LRRK1: variants seen among roughly 807,000 people sequenced by gnomAD.
The protein encoded by LRRK1 is leucine rich repeat kinase 1, also known as leucine-rich repeat serine/threonine-protein kinase 1.
A neutral mutation model predicts 209.1 loss-of-function variants in LRRK1; 113 were observed. The observed-to-expected ratio is 0.54, with a 90% CI of 0.46 to 0.63. The LOEUF is 0.63. LRRK1 is among the 30% of genes least tolerant of loss of function. The pLI is 0.00. For missense variants in LRRK1, 2,284 were observed against 2,632.2 expected, an observed-to-expected ratio of 0.87 and a Z score of 2.89; for synonymous variants, 1,144 against 1,099.7, an observed-to-expected ratio of 1.04 and a Z score of -0.80.
chr15:100,967,079 G>A (rs2030512674), intron 2 of LRRK1, among the ~76,000 whole-genome samples: 1 of 152,188 alleles, frequency 6.6e-6, no homozygotes, highest in Non-Finnish European at 1.5e-5. Context: ...TGAGAGACAA[G>A]CAATGACATA....
At chr15:100,963,482 C>T (rs1046269013) in intron 2 of LRRK1, among the ~76,000 whole-genome samples, 4 of 152,190 alleles carry the variant, frequency 2.6e-5, no homozygotes, top group East Asian at 1.9e-4. Flanking sequence ...CTGCTGTAGA[C>T]GTTAAGTGAC....
chr15:101,059,654 C>T (rs1354048002), intron 29 of LRRK1, among the ~76,000 whole-genome samples: 1 of 151,098 alleles, frequency 6.6e-6, no homozygotes. Context: ...TAAAAGCCTG[C>T]AGTTCTGAAT....
intron 4 of LRRK1, among the ~76,000 whole-genome samples, chr15:100,985,609 T>C (rs1358292644): frequency 1.3e-5 from 2 of 152,120 alleles, no homozygotes; most frequent in Non-Finnish European, 2.9e-5. Flanking sequence ...GCAGAGTGAA[T>C]AGGAGTTTAC....
chr15:101,052,008 C>A (rs771247521), intron 24 of LRRK1, 48 bp downstream of exon 24: 1 of 1,582,688 alleles, frequency 6.3e-7, no homozygotes, highest in African/African-American at 1.3e-5. Context: ...TCACAGGGGG[C>A]GTTCCTCGCT....
At chr15:101,058,616 A>AAGGGGAGTG (rs1555479925) in intron 29 of LRRK1, among the ~76,000 whole-genome samples, 1 of 4,248 alleles carries the variant, frequency 2.4e-4, no homozygotes, top group Admixed American at 3.1e-3. Context: ...AGAAGGGGCA[A>AAGGGGAGTG]CGGGGGGGGG....
In LRRK1 at chr15:100,951,985, T is replaced by A. The variant is rs1161744174; in HGVS notation, c.98-21819T>A. Among the ~76,000 whole-genome samples, 10 of 149,936 alleles carry A rather than the reference T, an allele frequency of 6.7e-5. 1 individual carries two copies. The highest frequency in any genetic ancestry group is 2.2e-4 in the African/African-American group (9 of 40,900). On this transcript the variant is annotated intron_variant, in intron 2 of 33. Transcript: ENST00000388948. Reference sequence around the variant, plus strand: ...AAAAAAATAATAATAATAATAATAATAAAATAATAGTATTATTAAGAGTAA... The same window carrying A: ...AAAAAAATAATAATAATAATAATAAAAAAATAATAGTATTATTAAGAGTAA...
intron 2 of LRRK1, among the ~76,000 whole-genome samples, chr15:100,946,013 T>A (rs1305961742): frequency 2.0e-5 from 3 of 152,204 alleles, no homozygotes; most frequent in African/African-American, 7.2e-5. Context: ...TAAATGAATA[T>A]GTTAAATATA....
chr15:100,956,557 C>T (rs2042769036), intron 2 of LRRK1, among the ~76,000 whole-genome samples: 1 of 150,320 alleles, frequency 6.7e-6, no homozygotes, highest in Middle Eastern at 3.5e-3. Flanking sequence ...CCTCCACCTC[C>T]CGGGTTCAAG....
intron 6 of LRRK1, among the ~76,000 whole-genome samples, chr15:101,002,759 A>G (rs2032759468): frequency 6.6e-6 from 1 of 152,172 alleles, no homozygotes; most frequent in South Asian, 2.1e-4. Flanking sequence ...TTTGAGATGG[A>G]ATCTGGCTCT....
At chr15:100,945,550 A>T (rs573603019) in intron 2 of LRRK1, among the ~76,000 whole-genome samples, 1 of 128,332 alleles carries the variant, frequency 7.8e-6, no homozygotes, top group African/African-American at 3.0e-5. Context: ...CTGGAGTGCA[A>T]TGGCACAACC....
Position 100,936,685 on chromosome 15 carries a change from G to A in LRRK1, c.97+11956G>A, listed in dbSNP as rs4076008. 6.4e-3 allele frequency among the ~76,000 whole-genome samples: 969 copies of A among 152,282 alleles called. 9 individuals are homozygous for A. Among genetic ancestry groups the A allele is most frequent in the African/African-American group, 0.022 (916 of 41,552 alleles). ...GCTGTGGGTGCTGGCTGCTTCTATG[G>A]GGCAACTTGGGGTCTGTGGGATGTG... On this transcript the variant is annotated intron_variant, in intron 2 of 33. Transcript: ENST00000388948.
rs2042073314 is a variant in LRRK1, at chr15:100,924,460, G to A, written c.-122-51G>A. 1.0e-5 allele frequency: 6 copies of A among 598,016 alleles called. No individual in the cohort carries two copies. In the South Asian group the frequency reaches 1.2e-4, roughly 12 times the overall value. 37.0% of individuals were successfully genotyped at this position (598,016 alleles called of 1,614,324 possible). On this transcript the variant is annotated intron_variant, in intron 1 of 33. Coordinates refer to ENST00000388948, the MANE Select transcript of LRRK1 (RefSeq NM_024652.6). ...AACCCATGCAAATATTTGCAGGGGAGGAGGACAGGAATTATAAAGGCTTTC... is the reference window on the plus strand; with the variant it reads ...AACCCATGCAAATATTTGCAGGGGAAGAGGACAGGAATTATAAAGGCTTTC...
intron 4 of LRRK1, among the ~76,000 whole-genome samples, chr15:100,984,159 G>A (rs1386498838): frequency 6.6e-6 from 1 of 152,128 alleles, no homozygotes; most frequent in Admixed American, 6.5e-5. Flanking sequence ...GTCTCAGGAG[G>A]CAGGTGCTAT....
At chr15:101,001,999 G>C (rs1165834749) in intron 6 of LRRK1, among the ~76,000 whole-genome samples, 1 of 152,164 alleles carries the variant, frequency 6.6e-6, no homozygotes, top group African/African-American at 2.4e-5. Flanking sequence ...ATGTCACAGG[G>C]GCCAGGAATC....
At chr15:100,972,995 C>T (rs937341608) in intron 2 of LRRK1, among the ~76,000 whole-genome samples, 10 of 152,190 alleles carry the variant, frequency 6.6e-5, no homozygotes, top group African/African-American at 1.9e-4. Context: ...GTCAGCCTTT[C>T]GGGGTCCACA....
At chr15:101,033,224 C>T (rs1015901310) in intron 20 of LRRK1, among the ~76,000 whole-genome samples, 12 of 152,134 alleles carry the variant, frequency 7.9e-5, no homozygotes, top group African/African-American at 2.9e-4. Flanking sequence ...ATGATCAAGT[C>T]AGGGTATTTG....
At chr15:101,059,020 G>C (rs1007478959) in intron 29 of LRRK1, among the ~76,000 whole-genome samples, 1 of 152,170 alleles carries the variant, frequency 6.6e-6, no homozygotes, top group Admixed American at 6.5e-5. Context: ...GTCAGTCTTT[G>C]TGAGTTTGCG....
At position 101,056,897 on chromosome 15, in the gene LRRK1, G is replaced by C. The variant is rs1358987042; in HGVS notation, c.4374G>C (p.Leu1458=). Residue 1458 remains leucine (L), a synonymous_variant, in exon 28 of 34, where the codon CTG becomes CTC. Coordinates refer to ENST00000388948, the MANE Select transcript of LRRK1 (RefSeq NM_024652.6). ...FSYGMVLYEL[L]SGQRPALGHH... ...ATGGAATGGTGCTCTACGAGTTGCT[G>C]TCAGGACAGCGCCCTGCACTGGGCC... The C allele has an allele frequency of 5.0e-6, 8 of 1,613,618 alleles. No individual in the cohort carries two copies. The Middle Eastern group carries it at 8.3e-4, about 166-fold the overall frequency.
At chr15:100,921,430 C>G (rs912755450) in intron 1 of LRRK1, among the ~76,000 whole-genome samples, 1 of 152,208 alleles carries the variant, frequency 6.6e-6, no homozygotes, top group African/African-American at 2.4e-5. Context: ...AAATAGCACT[C>G]AAGAGATTTC....
Sources: allele counts gnomAD v4.1 joint callset (sites outside exome capture counted in the v4.1 genomes callset), GRCh38; gene constraint gnomAD v4.1.1; transcripts MANE v1.5; gene names NCBI Gene and HGNC (gene_info 2026-07-23, HGNC 2026-07-21).